Variants in PRKN observed in about 807,000 individuals in gnomAD.
PRKN encodes the protein parkin RBR E3 ubiquitin protein ligase, also known as E3 ubiquitin-protein ligase parkin.
Under a neutral mutation model 59.5 loss-of-function variants are expected in PRKN, and 56 were observed. The observed-to-expected ratio is 0.94, with a 90% CI of 0.76 to 1.18. The LOEUF (loss-of-function observed/expected upper bound fraction) is 1.18. Ranked by LOEUF, PRKN falls within the 50% of genes most tolerant of loss-of-function variation. The pLI is 0.00. For missense variants in PRKN, 657 were observed against 596.4 expected, an observed-to-expected ratio of 1.10 and a Z score of -1.06; for synonymous variants, 250 against 222.1, an observed-to-expected ratio of 1.13 and a Z score of -1.12.
chr6:161,416,712 T>C (rs1239984083), intron 9 of PRKN, among the ~76,000 whole-genome samples: 3 of 152,188 alleles, frequency 2.0e-5, no homozygotes, highest in African/African-American at 7.2e-5. Context: ...ATCTTATTAA[T>C]ATGGGCCAGA....
intron 4 of PRKN, among the ~76,000 whole-genome samples, chr6:162,113,206 G>A (rs930832969): frequency 6.6e-6 from 1 of 152,102 alleles, no homozygotes; most frequent in Non-Finnish European, 1.5e-5. Context: ...GCTGAGCAGA[G>A]GCTACAATTA....
intron 1 of PRKN, among the ~76,000 whole-genome samples, chr6:162,626,625 G>A (rs570595520): frequency 3.3e-4 from 50 of 152,118 alleles, no homozygotes; most frequent in African/African-American, 1.0e-3. Context: ...AATCAGCCTG[G>A]CCAACGTGGT....
chr6:161,832,004 T>C (rs1382126786), intron 6 of PRKN, among the ~76,000 whole-genome samples: 1 of 152,214 alleles, frequency 6.6e-6, no homozygotes, highest in African/African-American at 2.4e-5. Flanking sequence ...TCTGGCTGTC[T>C]TGTTTCTGTC....
At chr6:162,557,691 G>A (rs376703065) in intron 1 of PRKN, among the ~76,000 whole-genome samples, 2 of 152,240 alleles carry the variant, frequency 1.3e-5, no homozygotes, top group Admixed American at 6.5e-5. Context: ...TGTATTTTTA[G>A]TAGAGATGAG....
intron 4 of PRKN, among the ~76,000 whole-genome samples, chr6:162,115,720 G>A (rs886752895): frequency 2.0e-5 from 3 of 152,018 alleles, no homozygotes; most frequent in Non-Finnish European, 4.4e-5. Flanking sequence ...TCAGCTGGCA[G>A]GAGCCCATAT....
Position 161,361,077 on chromosome 6 carries a change from G to T in PRKN, c.1168-872C>A, listed in dbSNP as rs1005050385. 8.5e-5 allele frequency among the ~76,000 whole-genome samples: 13 copies of T among 152,052 alleles called. No individual in the cohort carries two copies. The highest frequency in any genetic ancestry group is 3.1e-4 in the African/African-American group (13 of 41,490). ...TGTATAAGGAGGTTTTCTGGTGGGG[G>T]TGGAAGCAAGAGGTCCTGGGCTAGC... is the stretch of plus-strand genomic sequence containing the variant. On this transcript the variant is annotated intron_variant, in intron 10 of 11. Transcript: ENST00000366898. This position sits in a 1 kb window ranked among gnomAD's most constrained non-coding sequence, Gnocchi z 5.2.
chr6:162,012,402 T>C (rs943265407), intron 5 of PRKN, among the ~76,000 whole-genome samples: 5 of 151,914 alleles, frequency 3.3e-5, no homozygotes, highest in Admixed American at 6.6e-5. Flanking sequence ...AGTAAATATA[T>C]GCATATATAC....
intron 1 of PRKN, among the ~76,000 whole-genome samples, chr6:162,553,982 T>C (rs1160431567): frequency 2.0e-5 from 3 of 152,122 alleles, no homozygotes; most frequent in Middle Eastern, 6.9e-3. Flanking sequence ...GGGACTCCCG[T>C]GGAGGTTAAC....
At chr6:162,237,508 A>G (rs1402990502) in intron 3 of PRKN, among the ~76,000 whole-genome samples, 1 of 152,186 alleles carries the variant, frequency 6.6e-6, no homozygotes, top group African/African-American at 2.4e-5. Flanking sequence ...CAACTTTGTT[A>G]GGAATGAGAA....
chr6:162,214,323 T>A (rs1777539036), intron 3 of PRKN, among the ~76,000 whole-genome samples: 1 of 152,102 alleles, frequency 6.6e-6, no homozygotes, highest in Admixed American at 6.5e-5. Flanking sequence ...GAATCGTGGT[T>A]TCCCTAGAGA....
chr6:161,589,447 G>A (rs1781636345), intron 7 of PRKN, among the ~76,000 whole-genome samples: 1 of 151,996 alleles, frequency 6.6e-6, no homozygotes. Context: ...ATCTGTATTC[G>A]ATGGTAGAAG....
intron 4 of PRKN, among the ~76,000 whole-genome samples, chr6:162,067,885 C>T (rs148427931): frequency 6.6e-6 from 1 of 152,272 alleles, no homozygotes; most frequent in African/African-American, 2.4e-5. Flanking sequence ...TTGTTTTGTT[C>T]ACTTTTCAGA....
intron 7 of PRKN, among the ~76,000 whole-genome samples, chr6:161,692,765 C>A (rs1785850400): frequency 6.6e-6 from 1 of 151,874 alleles, no homozygotes; most frequent in East Asian, 1.9e-4. Flanking sequence ...AACAAACAAA[C>A]AAACGAACAA....
chr6:161,513,436 T>C (rs904508970), intron 9 of PRKN, among the ~76,000 whole-genome samples: 4 of 146,430 alleles, frequency 2.7e-5, no homozygotes, highest in African/African-American at 1.0e-4. Flanking sequence ...GAGACGGGAT[T>C]TCACCATGTT....
intron 1 of PRKN, among the ~76,000 whole-genome samples, chr6:162,488,124 C>G (rs1792641437): frequency 6.8e-6 from 1 of 146,434 alleles, no homozygotes; most frequent in South Asian, 2.2e-4. Flanking sequence ...CTGATAAAAT[C>G]CAGATTTTAC....
At chr6:161,981,755 A>C (rs1781266414) in intron 5 of PRKN, among the ~76,000 whole-genome samples, 1 of 152,192 alleles carries the variant, frequency 6.6e-6, no homozygotes, top group Admixed American at 6.5e-5. Flanking sequence ...AAACTGGAGG[A>C]CTATATAATA....
intron 5 of PRKN, among the ~76,000 whole-genome samples, chr6:162,020,347 A>C (rs867824682): frequency 6.7e-6 from 1 of 150,336 alleles, no homozygotes; most frequent in Non-Finnish European, 1.5e-5. Context: ...AAAAAAAAAA[A>C]AAAAAAAAAA....
At chr6:161,633,995 TAAACACACAC>T (rs1459659334) in intron 7 of PRKN, among the ~76,000 whole-genome samples, 2 of 66,304 alleles carry the variant, frequency 3.0e-5, no homozygotes, top group African/African-American at 1.3e-4. Flanking sequence ...ATGGAAAACT[TAAACACACAC>T]ACACACACAC....
chr6:161,801,398 A>T (rs1020719714), intron 6 of PRKN, among the ~76,000 whole-genome samples: 12 of 152,312 alleles, frequency 7.9e-5, no homozygotes, highest in African/African-American at 2.9e-4. Context: ...ATGGGGCTAT[A>T]AAGGGCCTGG....
Sources: allele counts gnomAD v4.1 joint callset (sites outside exome capture counted in the v4.1 genomes callset), GRCh38; gene constraint gnomAD v4.1.1; non-coding constraint Gnocchi (gnomAD v3.1); transcripts MANE v1.5; gene names NCBI Gene and HGNC (gene_info 2026-07-23, HGNC 2026-07-21).